The following PLGRKT variants were observed in gnomAD, a reference collection of about 807,000 sequenced individuals.
The protein encoded by PLGRKT is plasminogen receptor with a C-terminal lysine.
A neutral mutation model predicts 18.5 loss-of-function variants in PLGRKT; 22 were observed. The ratio of observed to expected loss-of-function variants is 1.19; its 90% CI spans 0.85 to 1.70. PLGRKT has a LOEUF of 1.70. Among genes scored for constraint, PLGRKT ranks in the 40% most tolerant of loss-of-function variants. The pLI is 0.00. For synonymous variants in PLGRKT, 72 were observed against 52.8 expected (o/e 1.36, Z -1.58); for missense variants, 235 against 174.4 (o/e 1.35, Z -1.96).
chr9:5,405,080 A>C (rs1818229899), intron 3 of PLGRKT, among the ~76,000 whole-genome samples: 1 of 152,190 alleles, frequency 6.6e-6, no homozygotes, highest in Non-Finnish European at 1.5e-5. Context: ...AGGGAAGTGA[A>C]GGACCTCTTC....
chr9:5,389,439 T>C (rs973903208), intron 3 of PLGRKT, among the ~76,000 whole-genome samples: 1 of 151,882 alleles, frequency 6.6e-6, no homozygotes, highest in African/African-American at 2.4e-5. Flanking sequence ...GTCTAGCTGA[T>C]AGTGCCAGGT....
At chr9:5,388,823 T>C (rs1235565822) in intron 3 of PLGRKT, among the ~76,000 whole-genome samples, 1 of 152,074 alleles carries the variant, frequency 6.6e-6, no homozygotes, top group Non-Finnish European at 1.5e-5. Context: ...GTCAATCTCA[T>C]AATTTGTTAC....
rs1156367314 is a variant in PLGRKT at position 5,367,066 on chromosome 9, CA to C, written c.82-5179del. On this transcript the variant is annotated intron_variant, in intron 3 of 5. Coordinates refer to ENST00000223864, the MANE Select transcript of PLGRKT (RefSeq NM_018465.4). Reference sequence around the variant, plus strand: ...ACACACACACACACACACACACACACACCCCTAGGAATGAAAGAAATCAGAG... The same window carrying C: ...ACACACACACACACACACACACACACCCCCTAGGAATGAAAGAAATCAGAG... Among the ~76,000 whole-genome samples the C allele has an allele frequency of 6.0e-4, 88 of 146,514 alleles. No individual in the cohort carries two copies. The East Asian group carries it at 7.4e-3, about 12-fold the overall frequency.
intron 3 of PLGRKT, among the ~76,000 whole-genome samples, chr9:5,411,370 G>A: frequency 7.0e-6 from 1 of 142,268 alleles, no homozygotes. Context: ...GGGAGACAGA[G>A]CAAGACCCTG....
At chr9:5,363,217 CT>C (rs1817306818) in intron 3 of PLGRKT, among the ~76,000 whole-genome samples, 1 of 151,778 alleles carries the variant, frequency 6.6e-6, no homozygotes, top group Non-Finnish European at 1.5e-5. Context: ...CCCGAGAGTG[CT>C]TTTCTGCTTT....
chr9:5,370,653 C>T (rs1216567586), intron 3 of PLGRKT, among the ~76,000 whole-genome samples: 1 of 152,168 alleles, frequency 6.6e-6, no homozygotes, highest in African/African-American at 2.4e-5. Flanking sequence ...GTCATGTAGA[C>T]CTGTTTTTGT....
chr9:5,423,308 C>T (rs1397625976), intron 3 of PLGRKT, among the ~76,000 whole-genome samples: 3 of 152,176 alleles, frequency 2.0e-5, no homozygotes, highest in African/African-American at 7.2e-5. Flanking sequence ...ATAAAGTGTA[C>T]TAAATGTGTA....
chr9:5,384,905 A>G (rs1275171673), intron 3 of PLGRKT, among the ~76,000 whole-genome samples: 1 of 152,178 alleles, frequency 6.6e-6, no homozygotes, highest in Non-Finnish European at 1.5e-5. Flanking sequence ...TTAAAATATA[A>G]TAATTTTGAT....
intron 3 of PLGRKT, among the ~76,000 whole-genome samples, chr9:5,405,429 C>G (rs1461850430): frequency 6.6e-6 from 1 of 152,040 alleles, no homozygotes; most frequent in East Asian, 1.9e-4. Flanking sequence ...ACCAATGGAA[C>G]AGAATACATA....
Position 5,401,365 on chromosome 9 carries a change from T to A in PLGRKT, c.81+30532A>T, listed in dbSNP as rs148314873. 2.1e-3 allele frequency among the ~76,000 whole-genome samples: 327 copies of A among 152,116 alleles called. 5 individuals carry two copies. The highest frequency in any genetic ancestry group is 7.5e-3 in the African/African-American group (310 of 41,376). On this transcript the variant is annotated intron_variant, in intron 3 of 5. Coordinates refer to ENST00000223864, the MANE Select transcript of PLGRKT (RefSeq NM_018465.4). Reference sequence around the variant, plus strand: ...TTAATTTGTTCACATTAAAACTTTGTCTAACACTATTTTGTTTTGCATGGC... The same window carrying A: ...TTAATTTGTTCACATTAAAACTTTGACTAACACTATTTTGTTTTGCATGGC...
intron 3 of PLGRKT, among the ~76,000 whole-genome samples, chr9:5,431,612 C>T (rs1818826466): frequency 6.6e-6 from 1 of 150,858 alleles, no homozygotes; most frequent in Non-Finnish European, 1.5e-5. Context: ...ATCTCCCCAT[C>T]TCAAACATTA....
chr9:5,380,414 A>C (rs1817720003), intron 3 of PLGRKT, among the ~76,000 whole-genome samples: 1 of 151,638 alleles, frequency 6.6e-6, no homozygotes, highest in South Asian at 2.1e-4. Flanking sequence ...GCTAATATTT[A>C]TCCTGTATTG....
At chr9:5,411,123 C>T (rs961839759) in intron 3 of PLGRKT, among the ~76,000 whole-genome samples, 2 of 152,028 alleles carry the variant, frequency 1.3e-5, no homozygotes, top group African/African-American at 4.8e-5. Flanking sequence ...GTGACTCACG[C>T]CTGTAATCCC....
At chr9:5,402,898 A>T (rs1423813174) in intron 3 of PLGRKT, among the ~76,000 whole-genome samples, 1 of 151,960 alleles carries the variant, frequency 6.6e-6, no homozygotes, top group Non-Finnish European at 1.5e-5. Context: ...TAAGTATTGA[A>T]ACAGAAGGCA....
rs566758364 is a variant in PLGRKT at position 5,418,705 on chromosome 9, A to C, written c.81+13192T>G. ...GTAGCACCCACTGCCGGGAAGTCTG[A>C]TGAAGACCGGCATGTGCTCCGAAGC... is the stretch of plus-strand genomic sequence containing the variant. On this transcript the variant is annotated intron_variant, in intron 3 of 5. Transcript: ENST00000223864. This position sits in a 1 kb window ranked among gnomAD's most constrained non-coding sequence, Gnocchi z 4.2. The C allele has an allele frequency of 1.5e-6, 1 of 665,480 alleles. No individual in the cohort carries two copies. Among genetic ancestry groups the C allele is most frequent in the Non-Finnish European group, 2.8e-6 (1 of 357,976 alleles). 41.2% of individuals were successfully genotyped at this position (665,480 alleles called of 1,614,324 possible).
intron 5 of PLGRKT, 23 bp from the exon 6 acceptor site, chr9:5,358,383 A>G (rs1201446633): frequency 1.9e-6 from 3 of 1,610,832 alleles, no homozygotes; most frequent in Admixed American, 1.7e-5. Context: ...ACAGAAATAC[A>G]CAAGGTGACA....
intron 3 of PLGRKT, among the ~76,000 whole-genome samples, chr9:5,388,727 A>C (rs1414961938): frequency 6.6e-6 from 1 of 152,044 alleles, no homozygotes; most frequent in Admixed American, 6.5e-5. Context: ...ACTTGTGATG[A>C]AATGTCCCTC....
intron 3 of PLGRKT, among the ~76,000 whole-genome samples, chr9:5,410,788 T>C (rs1457419221): frequency 6.6e-6 from 1 of 152,120 alleles, no homozygotes; most frequent in East Asian, 1.9e-4. Flanking sequence ...CAGAGAAAGA[T>C]TAGAAATGGC....
intron 3 of PLGRKT, among the ~76,000 whole-genome samples, chr9:5,394,597 G>C (rs1412083336): frequency 6.6e-6 from 1 of 151,734 alleles, no homozygotes; most frequent in Admixed American, 6.6e-5. Context: ...ATTTTCAGTA[G>C]AGGCAGAGTC....
Sources: gnomAD v4.1 joint callset for allele counts (sites outside exome capture counted in the v4.1 genomes callset) on GRCh38, gnomAD v4.1.1 for gene constraint, Gnocchi (gnomAD v3.1) non-coding constraint, MANE v1.5 for transcripts, NCBI Gene and HGNC (gene_info 2026-07-23, HGNC 2026-07-21) for gene names.